The following TBC1D9 variants were observed in gnomAD, a reference collection of about 807,000 sequenced individuals.
TBC1D9 encodes the protein TBC1 domain family member 9A.
TBC1D9 carries 63 observed loss-of-function variants against 132.0 expected under a neutral mutation model. That is an observed-to-expected ratio of 0.48 (90% CI 0.39 to 0.59). The LOEUF is 0.59. TBC1D9 is among the 20% of genes least tolerant of loss of function. TBC1D9 has a pLI of 0.00. For missense variants in TBC1D9, 1,261 were observed against 1,592.7 expected, an observed-to-expected ratio of 0.79 and a Z score of 3.54; for synonymous variants, 610 against 609.9, an observed-to-expected ratio of 1.00 and a Z score of 0.00.
At chr4:140,717,469 A>G (rs1390678067) in intron 1 of TBC1D9, among the ~76,000 whole-genome samples, 1 of 152,208 alleles carries the variant, frequency 6.6e-6, no homozygotes, top group Non-Finnish European at 1.5e-5. Flanking sequence ...ACCATGCATA[A>G]TCCTTTTAGA....
chr4:140,737,717 G>A (rs993936479), intron 1 of TBC1D9, among the ~76,000 whole-genome samples: 4 of 152,210 alleles, frequency 2.6e-5, no homozygotes, highest in African/African-American at 9.6e-5. Context: ...GATATAAGAT[G>A]TCTTACAATT....
intron 1 of TBC1D9, among the ~76,000 whole-genome samples, chr4:140,750,472 A>G (rs1738907201): frequency 6.6e-6 from 1 of 152,074 alleles, no homozygotes; most frequent in Non-Finnish European, 1.5e-5. Context: ...AATATATAAA[A>G]CAGCAATATT....
intron 13 of TBC1D9, among the ~76,000 whole-genome samples, chr4:140,648,634 C>T (rs2110987814): frequency 6.6e-6 from 1 of 152,222 alleles, no homozygotes; most frequent in South Asian, 2.1e-4. Flanking sequence ...GGTCTGCCCG[C>T]CTTGGCCTCC....
intron 1 of TBC1D9, among the ~76,000 whole-genome samples, chr4:140,713,884 G>C (rs958962241): frequency 2.0e-5 from 3 of 152,102 alleles, no homozygotes; most frequent in Non-Finnish European, 4.4e-5. Context: ...TGGTGCAAAA[G>C]TAATTGCAGT....
At chr4:140,651,721 T>C (rs912854014) in intron 13 of TBC1D9, among the ~76,000 whole-genome samples, 3 of 152,206 alleles carry the variant, frequency 2.0e-5, no homozygotes, top group Non-Finnish European at 4.4e-5. Flanking sequence ...GTCTGGACTT[T>C]GCTTTAAGTT....
In TBC1D9 at chr4:140,677,098, A is replaced by G. The variant is rs533535133; in HGVS notation, c.855T>C (p.Asp285=). The change falls in exon 6 of 21, where the codon GAT becomes GAC. Residue 285 remains aspartate (D), a synonymous_variant. Transcript: ENST00000442267. The stretch of plus-strand genomic sequence containing the variant: ...TCTCACTCTTTGCCCTGGCATCAAG[A>G]TCACTGGAAAGCAATAATTACAATT... The part of the protein sequence containing the change: ...SPKKVSALKR[D]LDARAKSERY... 21 of 1,613,646 alleles carry G rather than the reference A, an allele frequency of 1.3e-5. No homozygotes were observed. In the African/African-American group the frequency reaches 2.8e-4, roughly 22 times the overall value.
chr4:140,657,891 A>T, intron 11 of TBC1D9, 79 bp from the exon 12 acceptor site: 1 of 1,469,096 alleles, frequency 6.8e-7, no homozygotes, highest in Non-Finnish European at 9.2e-7. Flanking sequence ...AAACAACTTG[A>T]CTGCTAGCAC....
chr4:140,732,680 C>G (rs772096157), intron 1 of TBC1D9, among the ~76,000 whole-genome samples: 3 of 152,156 alleles, frequency 2.0e-5, no homozygotes, highest in Non-Finnish European at 4.4e-5. Context: ...CTCAAGTCTT[C>G]CACAGCTGTC....
chr4:140,728,180 A>G (rs1370445334), intron 1 of TBC1D9, among the ~76,000 whole-genome samples: 5 of 152,216 alleles, frequency 3.3e-5, no homozygotes, highest in Non-Finnish European at 7.3e-5. Context: ...TACTGGCCCA[A>G]AGTTAATAAA....
intron 1 of TBC1D9, among the ~76,000 whole-genome samples, chr4:140,747,047 T>C (rs1178878000): frequency 6.6e-6 from 1 of 151,170 alleles, no homozygotes; most frequent in Non-Finnish European, 1.5e-5. Context: ...TAAATGCATA[T>C]AAAGAAGAAT....
At chr4:140,712,070 G>C (rs953102138) in intron 1 of TBC1D9, 1 of 152,056 alleles carries the variant, frequency 6.6e-6, no homozygotes, top group African/African-American at 2.4e-5. Context: ...AGTTACCATG[G>C]TTATACTAAC....
At chr4:140,699,079 A>C (rs1165407388) in intron 2 of TBC1D9, among the ~76,000 whole-genome samples, 1 of 152,240 alleles carries the variant, frequency 6.6e-6, no homozygotes, top group East Asian at 1.9e-4. Context: ...ATCAATTTTA[A>C]AAATGAATGA....
At chr4:140,688,994 T>C (rs558622259) in intron 2 of TBC1D9, among the ~76,000 whole-genome samples, 1 of 152,090 alleles carries the variant, frequency 6.6e-6, no homozygotes, top group Admixed American at 6.6e-5. Flanking sequence ...GCAGAATAAA[T>C]GCCAGCCATG....
At chr4:140,671,257 T>A (rs1005447554) in intron 6 of TBC1D9, among the ~76,000 whole-genome samples, 4 of 152,172 alleles carry the variant, frequency 2.6e-5, no homozygotes, top group Admixed American at 2.0e-4. Flanking sequence ...TACTGGCATC[T>A]GGTAGCAGAG....
Position 140,665,368 on chromosome 4 carries a change from G to A in TBC1D9, c.1589-3261C>T, listed in dbSNP as rs182593018. On this transcript the variant is annotated intron_variant, in intron 9 of 20. Coordinates refer to ENST00000442267, the MANE Select transcript of TBC1D9 (RefSeq NM_015130.3). ...GATAATGAACTTGTATCTCAAATAT[G>A]TTTAAAAACTTTTACAACTCAATAA... 2.7e-4 allele frequency among the ~76,000 whole-genome samples: 41 copies of A among 152,198 alleles called. 1 individual carries two copies. In the East Asian group the frequency reaches 6.0e-3, roughly 22 times the overall value.
intron 1 of TBC1D9, among the ~76,000 whole-genome samples, chr4:140,718,690 G>T (rs192974269): frequency 7.9e-5 from 12 of 152,216 alleles, no homozygotes; most frequent in South Asian, 2.1e-4. Flanking sequence ...AGCAGTCTAA[G>T]GAAAAACATT....
At position 140,669,668 on chromosome 4, in the gene TBC1D9, C is replaced by A; in HGVS notation, c.1403G>T (p.Arg468Leu). 1 of 1,613,338 alleles carries A rather than the reference C, an allele frequency of 6.2e-7. No homozygotes were observed. The highest frequency in any genetic ancestry group is 8.5e-7 in the Non-Finnish European group (1 of 1,179,374). Reference protein sequence around the residue: ...TATQTLMTMYRRRSPEEFNPK... With the variant: ...TATQTLMTMYLRRSPEEFNPK... ...GTTGAACTCCTCGGGAGACCGCCGCCGATACATGGTCATCAGGGTCTGTGT... is the reference window on the plus strand; with the variant it reads ...GTTGAACTCCTCGGGAGACCGCCGCAGATACATGGTCATCAGGGTCTGTGT... Residue 468 changes from arginine (R) to leucine (L), a missense_variant, in exon 8 of 21, where the codon CGG (arginine) becomes CTG (leucine). Physicochemically the swap from Arg to Leu is moderately radical, Grantham distance 102. Transcript: ENST00000442267.
intron 16 of TBC1D9, among the ~76,000 whole-genome samples, chr4:140,629,969 T>C (rs1419293565): frequency 1.3e-5 from 2 of 152,150 alleles, no homozygotes; most frequent in African/African-American, 4.8e-5. Context: ...TTACTCCTAT[T>C]TTACAGATAA....
chr4:140,754,198 T>A (rs1452163380), intron 1 of TBC1D9, among the ~76,000 whole-genome samples: 2 of 152,182 alleles, frequency 1.3e-5, no homozygotes, highest in East Asian at 3.8e-4. Flanking sequence ...CACATCCTAT[T>A]ACAAATGACA....
Sources: gnomAD v4.1 joint callset for allele counts (sites outside exome capture counted in the v4.1 genomes callset) on GRCh38, gnomAD v4.1.1 for gene constraint, MANE v1.5 for transcripts, NCBI Gene and HGNC (gene_info 2026-07-23, HGNC 2026-07-21) for gene names.